Variants in CBFA2T3 observed in about 807,000 individuals in gnomAD.
The protein encoded by CBFA2T3 is CBFA2/RUNX1 partner transcriptional co-repressor 3.
CBFA2T3 carries 31 observed loss-of-function variants against 58.6 expected under a neutral mutation model. The observed-to-expected ratio is 0.53, with a 90% CI of 0.40 to 0.71. The LOEUF is 0.71. Ranked by LOEUF, CBFA2T3 falls within the 30% of genes least tolerant of loss-of-function variation. The probability of loss-of-function intolerance (pLI) is 0.00; values close to 1 mark genes in which losing one functional copy is unlikely to be tolerated. For synonymous variants in CBFA2T3, 531 were observed against 421.9 expected (o/e 1.26, Z -3.17); for missense variants, 1,076 against 963.1 (o/e 1.12, Z -1.55).
At chr16:88,887,531 G>A (rs1869959722) in intron 5 of CBFA2T3, among the ~76,000 whole-genome samples, 1 of 152,172 alleles carries the variant, frequency 6.6e-6, no homozygotes, top group East Asian at 1.9e-4. Flanking sequence ...CCCTTGGGCT[G>A]CGTGTGGGGC....
chr16:88,910,909 T>C (rs571897285), intron 1 of CBFA2T3, among the ~76,000 whole-genome samples: 2 of 147,774 alleles, frequency 1.4e-5, no homozygotes, highest in Admixed American at 1.3e-4. Flanking sequence ...CCTCCAGGGC[T>C]GTGCCAAGTG....
At chr16:88,893,472 C>A (rs1219099245) in intron 3 of CBFA2T3, among the ~76,000 whole-genome samples, 1 of 152,214 alleles carries the variant, frequency 6.6e-6, no homozygotes, top group African/African-American at 2.4e-5. Context: ...ATGAGCAATG[C>A]CTTCATTTGC....
In CBFA2T3 at chr16:88,892,343, G is replaced by C. The variant is rs753025057; in HGVS notation, c.522C>G (p.Leu174=). Residue 174 remains leucine (L), a synonymous_variant, in exon 4 of 12, where the codon CTC becomes CTG. Coordinates refer to ENST00000268679, the MANE Select transcript of CBFA2T3 (RefSeq NM_005187.6). ...HLPPACGARQ[L]SKLKRFLTTL... Reference sequence around the variant, plus strand: ...TGGTGAGGAAGCGCTTGAGCTTGCTGAGCTGCCGGGCCCCGCAGGCTGGGG... The same window carrying C: ...TGGTGAGGAAGCGCTTGAGCTTGCTCAGCTGCCGGGCCCCGCAGGCTGGGG... 2 of 1,613,320 alleles carry C rather than the reference G, an allele frequency of 1.2e-6. No individual in the cohort carries two copies. Among genetic ancestry groups the C allele is most frequent in the Middle Eastern group, 3.3e-4 (2 of 6,060 alleles).
rs1032161103 is a variant in CBFA2T3, at chr16:88,953,391, G to C, written c.151+23266C>G. Among the ~76,000 whole-genome samples, 7 of 148,276 alleles carry C rather than the reference G, an allele frequency of 4.7e-5. 1 individual carries two copies. The highest frequency in any genetic ancestry group is 7.8e-5 in the African/African-American group (3 of 38,230). On this transcript the variant is annotated intron_variant, in intron 1 of 11. Transcript: ENST00000268679. This position sits in a 1 kb window ranked among gnomAD's most constrained non-coding sequence, Gnocchi z 4.9. ...CAGGCTCCCCATGTCCACCCAGATG[G>C]TGAGCTGGCCCTGCCCTGGAGACAC...
chr16:88,928,068 C>T (rs1028737777), intron 1 of CBFA2T3, among the ~76,000 whole-genome samples: 1 of 152,196 alleles, frequency 6.6e-6, no homozygotes, highest in African/African-American at 2.4e-5. Context: ...GCCTTTGAAC[C>T]CCAGCAGGGA....
chr16:88,875,187 A>G lies in CBFA2T3; in HGVS notation c.*1789T>C. On this transcript the variant is annotated 3_prime_UTR_variant, in exon 12 of 12. Coordinates refer to ENST00000268679, the MANE Select transcript of CBFA2T3 (RefSeq NM_005187.6). ...AGGCCACGGGCCACACCACGCACAC[A>G]GATGCCAAGCCACGGGCCACGCCAC... 4.3e-6 allele frequency: 1 copy of G among 235,290 alleles called. No individual in the cohort carries two copies. Among genetic ancestry groups the G allele is most frequent in the Non-Finnish European group, 8.4e-6 (1 of 119,126 alleles). 14.6% of individuals were successfully genotyped at this position (235,290 alleles called of 1,614,324 possible).
chr16:88,927,241 A>G (rs1971112063), intron 1 of CBFA2T3, among the ~76,000 whole-genome samples: 1 of 152,214 alleles, frequency 6.6e-6, no homozygotes, highest in Non-Finnish European at 1.5e-5. Flanking sequence ...TGTCAGCGTC[A>G]AGGCCAGGTC....
intron 1 of CBFA2T3, among the ~76,000 whole-genome samples, chr16:88,911,882 C>T (rs893972171): frequency 7.3e-5 from 11 of 151,150 alleles, no homozygotes; most frequent in African/African-American, 2.7e-4. Flanking sequence ...GAAGACCCCC[C>T]CTCCTGCCTC....
At chr16:88,911,243 G>T (rs1165981706) in intron 1 of CBFA2T3, among the ~76,000 whole-genome samples, 1 of 152,248 alleles carries the variant, frequency 6.6e-6, no homozygotes, top group Non-Finnish European at 1.5e-5. Flanking sequence ...AAGGCCTGTG[G>T]GTGATGACGA....
intron 1 of CBFA2T3, among the ~76,000 whole-genome samples, chr16:88,969,660 C>T (rs75650125): frequency 2.1e-3 from 316 of 152,314 alleles, no homozygotes; most frequent in African/African-American, 6.7e-3. Context: ...GGCCTGACGA[C>T]GCACAGACCT....
intron 1 of CBFA2T3, among the ~76,000 whole-genome samples, chr16:88,928,562 G>A (rs989506196): frequency 3.9e-5 from 6 of 152,236 alleles, no homozygotes; most frequent in African/African-American, 1.4e-4. Flanking sequence ...CACCCAGTGA[G>A]GGCGTCCCTG....
At chr16:88,944,336 CAAAAAAAAAAAAA>C (rs767482759) in intron 1 of CBFA2T3, among the ~76,000 whole-genome samples, 13 of 42,318 alleles carry the variant, frequency 3.1e-4, no homozygotes, top group African/African-American at 6.2e-4. Flanking sequence ...GACTCCATCT[CAAAAAAAAAAAAA>C]AAAAAAAAAA....
At chr16:88,971,481 G>A (rs1411582420) in intron 1 of CBFA2T3, among the ~76,000 whole-genome samples, 3 of 151,896 alleles carry the variant, frequency 2.0e-5, no homozygotes, top group African/African-American at 7.2e-5. Context: ...GGCCTGGGGT[G>A]GGCAGAGCTG....
At chr16:88,896,579 G>A (rs975562669) in intron 3 of CBFA2T3, among the ~76,000 whole-genome samples, 5 of 152,166 alleles carry the variant, frequency 3.3e-5, no homozygotes, top group Admixed American at 2.6e-4. Flanking sequence ...GTGGCCACAC[G>A]GTGGACTGTG....
chr16:88,903,762 G>C (rs1356277143), intron 1 of CBFA2T3, among the ~76,000 whole-genome samples: 1 of 151,840 alleles, frequency 6.6e-6, no homozygotes, highest in South Asian at 2.1e-4. Context: ...GGTTGGGCAT[G>C]CCCAGAAGGG....
intron 5 of CBFA2T3, among the ~76,000 whole-genome samples, chr16:88,888,372 G>C (rs927745779): frequency 7.0e-5 from 10 of 142,926 alleles, no homozygotes; most frequent in Non-Finnish European, 1.2e-4. Flanking sequence ...GGACTGGCTG[G>C]GGGTCACTCC....
chr16:88,898,927 C>A (rs1969996946), intron 2 of CBFA2T3, among the ~76,000 whole-genome samples: 1 of 152,196 alleles, frequency 6.6e-6, no homozygotes, highest in South Asian at 2.1e-4. Flanking sequence ...CACAGGAAGA[C>A]AGGCTCTAGT....
chr16:88,965,751 A>T (rs1972485285), intron 1 of CBFA2T3, among the ~76,000 whole-genome samples: 1 of 152,354 alleles, frequency 6.6e-6, no homozygotes, highest in African/African-American at 2.4e-5. Context: ...CCAAAAACGA[A>T]GCAGCATAAG....
chr16:88,928,806 G>C (rs1297992451), intron 1 of CBFA2T3, among the ~76,000 whole-genome samples: 1 of 152,256 alleles, frequency 6.6e-6, no homozygotes, highest in Non-Finnish European at 1.5e-5. Context: ...TGGGTGACTG[G>C]ATGGCCACTG....
Sources: gnomAD v4.1 joint callset for allele counts (sites outside exome capture counted in the v4.1 genomes callset) on GRCh38, gnomAD v4.1.1 for gene constraint, Gnocchi (gnomAD v3.1) non-coding constraint, MANE v1.5 for transcripts, NCBI Gene and HGNC (gene_info 2026-07-23, HGNC 2026-07-21) for gene names.